Variants in GPHN observed in about 807,000 individuals in gnomAD.
GPHN encodes the protein gephyrin.
GPHN carries 17 observed loss-of-function variants against 95.5 expected under a neutral mutation model. The observed-to-expected ratio is 0.18, with a 90% CI of 0.12 to 0.27. GPHN has a LOEUF of 0.27. Among genes scored for constraint, GPHN ranks in the 10% least tolerant of loss-of-function variants. GPHN has a pLI of 1.00. For synonymous variants in GPHN, 320 were observed against 322.5 expected (o/e 0.99, Z 0.08); for missense variants, 660 against 978.1 (o/e 0.67, Z 4.34).
chr14:66,852,372 G>GA (rs1567020679), intron 4 of GPHN, among the ~76,000 whole-genome samples: 1 of 152,106 alleles, frequency 6.6e-6, no homozygotes, highest in Non-Finnish European at 1.5e-5. Context: ...GTTGAGGAGG[G>GA]AAAAAAATGT....
chr14:66,524,997 C>A (rs1437410797), intron 1 of GPHN, among the ~76,000 whole-genome samples: 1 of 152,066 alleles, frequency 6.6e-6, no homozygotes, highest in Non-Finnish European at 1.5e-5. Flanking sequence ...GATTTATAAT[C>A]CTTTGGGTAT....
At chr14:66,937,002 C>T (rs1258038223) in intron 8 of GPHN, among the ~76,000 whole-genome samples, 1 of 152,096 alleles carries the variant, frequency 6.6e-6, no homozygotes, top group Non-Finnish European at 1.5e-5. Flanking sequence ...TCTTAGTAAT[C>T]GTGAAGATAA....
At chr14:67,401,372 C>T in the GPHN span, among the ~76,000 whole-genome samples, 13 of 151,940 alleles carry the variant, frequency 8.6e-5, no homozygotes, top group African/African-American at 2.7e-4. Context: ...ATTAGCCAGG[C>T]GTGGTGGCAC....
chr14:66,820,224 A>G (rs993254682), intron 3 of GPHN, among the ~76,000 whole-genome samples: 5 of 152,182 alleles, frequency 3.3e-5, no homozygotes, highest in Admixed American at 3.3e-4. Context: ...AAAAAAACTG[A>G]TAAAACAATA....
At chr14:67,075,324 A>T (rs1287770299) in intron 11 of GPHN, among the ~76,000 whole-genome samples, 1 of 152,198 alleles carries the variant, frequency 6.6e-6, no homozygotes, top group Non-Finnish European at 1.5e-5. Context: ...CCTCTTATTC[A>T]GACAAAAAGA....
chr14:66,566,035 A>G (rs2060449432), intron 1 of GPHN, among the ~76,000 whole-genome samples: 1 of 150,078 alleles, frequency 6.7e-6, no homozygotes, highest in Admixed American at 6.7e-5. Flanking sequence ...CTATCAGTTT[A>G]TCAATCCTAA....
chr14:67,047,039 GAA>G (rs1296870175), intron 10 of GPHN, among the ~76,000 whole-genome samples: 1 of 152,008 alleles, frequency 6.6e-6, no homozygotes, highest in Non-Finnish European at 1.5e-5. Context: ...AAAGATCCAG[GAA>G]ATAGAAATAC....
At chr14:67,340,907 T>C in the GPHN span, among the ~76,000 whole-genome samples, 2 of 152,182 alleles carry the variant, frequency 1.3e-5, no homozygotes, top group African/African-American at 4.8e-5. Flanking sequence ...AGCTCCTAAC[T>C]GCGAGTGATC....
chr14:67,474,014 A>T, the GPHN span: 1 of 1,436,570 alleles, frequency 7.0e-7, no homozygotes, highest in Middle Eastern at 2.6e-4. Flanking sequence ...GCGCTTTGGG[A>T]GGCCGAGGCG....
chr14:67,695,570 A>G, the GPHN span: 1 of 1,523,226 alleles, frequency 6.6e-7, no homozygotes, highest in Non-Finnish European at 9.0e-7. Flanking sequence ...TGGGGATTCT[A>G]TGTTTCCCTC....
chr14:66,577,083 T>C (rs1257716021), intron 1 of GPHN, among the ~76,000 whole-genome samples: 1 of 152,212 alleles, frequency 6.6e-6, no homozygotes, highest in East Asian at 1.9e-4. Context: ...TTTAATTGCC[T>C]AGGAATCTTG....
At chr14:67,684,726 A>G in the GPHN span, 2 of 224,224 alleles carry the variant, frequency 8.9e-6, no homozygotes, top group African/African-American at 4.5e-5. Flanking sequence ...AATGTAAAAC[A>G]ATAGAATTAG....
chr14:67,133,296 T>C (rs1053220776), intron 17 of GPHN, among the ~76,000 whole-genome samples: 1 of 152,174 alleles, frequency 6.6e-6, no homozygotes, highest in Non-Finnish European at 1.5e-5. Flanking sequence ...CATCTTAAAA[T>C]GATGCAGCTT....
the GPHN span, chr14:67,292,652 C>T: frequency 6.2e-6 from 10 of 1,613,646 alleles, no homozygotes; most frequent in Non-Finnish European, 8.5e-6. Context: ...AATGCCATCA[C>T]AGTACACATG....
chr14:67,374,494 G>C, the GPHN span: 1 of 1,606,254 alleles, frequency 6.2e-7, no homozygotes, highest in Non-Finnish European at 8.5e-7. Flanking sequence ...AAAAAGAAGA[G>C]TTTCTCCAGA....
At chr14:67,575,899 A>G in the GPHN span, 13 of 1,613,802 alleles carry the variant, frequency 8.1e-6, no homozygotes, top group South Asian at 5.5e-5. Flanking sequence ...GACGAGGACT[A>G]TGAGGCTGGA....
intron 1 of GPHN, among the ~76,000 whole-genome samples, chr14:66,599,933 A>G (rs1490934304): frequency 6.6e-6 from 1 of 152,032 alleles, no homozygotes; most frequent in African/African-American, 2.4e-5. Flanking sequence ...GTAATTATGT[A>G]TGATGTTGAA....
chr14:66,548,588 C>T (rs1046801546), intron 1 of GPHN, among the ~76,000 whole-genome samples: 4 of 152,204 alleles, frequency 2.6e-5, no homozygotes, highest in Non-Finnish European at 2.9e-5. Flanking sequence ...CCATCTCTCT[C>T]GCTGTCTCCT....
At chr14:67,213,529 G>A in the GPHN span, among the ~76,000 whole-genome samples, 2 of 151,812 alleles carry the variant, frequency 1.3e-5, no homozygotes, top group African/African-American at 2.4e-5. Context: ...ATTCCATGGT[G>A]TATATGTGCC....
Sources: allele counts gnomAD v4.1 joint callset (sites outside exome capture counted in the v4.1 genomes callset), GRCh38; gene constraint gnomAD v4.1.1; transcripts MANE v1.5; gene names NCBI Gene and HGNC (gene_info 2026-07-23, HGNC 2026-07-21).